Variants in PTPRD observed in about 807,000 individuals in gnomAD.
PTPRD encodes the protein protein tyrosine phosphatase receptor type D.
Under a neutral mutation model 214.5 loss-of-function variants are expected in PTPRD, and 34 were observed. The ratio of observed to expected loss-of-function variants is 0.16; its 90% CI spans 0.12 to 0.21. The LOEUF is 0.21. Ranked by LOEUF, PTPRD falls within the 10% of genes least tolerant of loss-of-function variation. The probability of loss-of-function intolerance (pLI) is 1.00; values close to 1 mark genes in which losing one functional copy is unlikely to be tolerated. For missense variants in PTPRD, 2,545 were observed against 2,398.7 expected (o/e 1.06, Z -1.27); for synonymous variants, 1,128 against 845.7 (o/e 1.33, Z -5.79).
At chr9:10,295,144 T>C (rs569057654) in intron 3 of PTPRD, among the ~76,000 whole-genome samples, 2 of 152,198 alleles carry the variant, frequency 1.3e-5, no homozygotes, top group East Asian at 1.9e-4. Context: ...TTAATGTCTA[T>C]TTTTGCTTTA....
intron 3 of PTPRD, among the ~76,000 whole-genome samples, chr9:10,219,448 C>T (rs575101469): frequency 3.3e-5 from 5 of 151,730 alleles, no homozygotes; most frequent in Non-Finnish European, 5.9e-5. Flanking sequence ...AAATCACTGG[C>T]ATTAATTGGG....
intron 10 of PTPRD, among the ~76,000 whole-genome samples, chr9:9,079,110 C>G (rs10120361): frequency 0.058 from 8,868 of 152,028 alleles, 546 homozygotes; most frequent in African/African-American, 0.16. Context: ...TTACTGTTAA[C>G]TATGGTCATC....
chr9:8,424,733 G>A (rs2094555141), intron 35 of PTPRD, among the ~76,000 whole-genome samples: 1 of 152,160 alleles, frequency 6.6e-6, no homozygotes, highest in South Asian at 2.1e-4. Context: ...AAGAATGAGT[G>A]AAGGGAGGAG....
intron 5 of PTPRD, among the ~76,000 whole-genome samples, chr9:9,793,188 C>A (rs2098979357): frequency 1.3e-5 from 2 of 152,130 alleles, no homozygotes; most frequent in South Asian, 2.1e-4. Flanking sequence ...CCTATATTCA[C>A]AAAAATTGCT....
At chr9:8,476,078 G>C (rs1374372209) in intron 30 of PTPRD, among the ~76,000 whole-genome samples, 6 of 152,154 alleles carry the variant, frequency 3.9e-5, no homozygotes. Flanking sequence ...CAGCTTGATA[G>C]GCTTTCAGTT....
At chr9:8,930,087 T>C (rs1462169406) in intron 11 of PTPRD, among the ~76,000 whole-genome samples, 1 of 151,706 alleles carries the variant, frequency 6.6e-6, no homozygotes, top group East Asian at 1.9e-4. Context: ...ATTAGGTATA[T>C]CTCCTAATGC....
intron 5 of PTPRD, among the ~76,000 whole-genome samples, chr9:9,809,261 G>T (rs939709525): frequency 1.4e-5 from 2 of 146,236 alleles, no homozygotes; most frequent in African/African-American, 5.0e-5. Context: ...TTAGCCACAA[G>T]AGATTTTTTT....
chr9:9,981,076 C>T (rs1052800998), intron 4 of PTPRD, among the ~76,000 whole-genome samples: 3 of 152,224 alleles, frequency 2.0e-5, no homozygotes, highest in Non-Finnish European at 4.4e-5. Flanking sequence ...TTGATGAATG[C>T]ACCTCCACAA....
intron 10 of PTPRD, among the ~76,000 whole-genome samples, chr9:9,177,264 G>A (rs560172670): frequency 6.6e-6 from 1 of 152,096 alleles, no homozygotes; most frequent in African/African-American, 2.4e-5. Context: ...AAAGAAAACA[G>A]CATGGGGGAA....
At chr9:9,492,369 T>C (rs2095953451) in intron 8 of PTPRD, among the ~76,000 whole-genome samples, 2 of 149,116 alleles carry the variant, frequency 1.3e-5, no homozygotes, top group South Asian at 4.3e-4. Context: ...AACTTTTCCC[T>C]AAAAATGAAG....
chr9:8,742,150 G>C (rs755506288), intron 11 of PTPRD, among the ~76,000 whole-genome samples: 2 of 152,088 alleles, frequency 1.3e-5, no homozygotes, highest in Non-Finnish European at 2.9e-5. Flanking sequence ...TGTCAGTCAA[G>C]CTTTAAAATT....
chr9:8,488,885 A>G (rs2097092185), intron 27 of PTPRD, among the ~76,000 whole-genome samples: 1 of 152,212 alleles, frequency 6.6e-6, no homozygotes, highest in East Asian at 1.9e-4. Flanking sequence ...GGGTGGAAAC[A>G]CAACTATTAA....
At chr9:10,024,696 C>G (rs10755998) in intron 4 of PTPRD, among the ~76,000 whole-genome samples, 1 of 149,998 alleles carries the variant, frequency 6.7e-6, no homozygotes, top group Admixed American at 6.7e-5. Context: ...TTGTTACATA[C>G]GTATACATGT....
intron 9 of PTPRD, among the ~76,000 whole-genome samples, chr9:9,234,346 G>A (rs746244444): frequency 6.6e-5 from 10 of 152,126 alleles, no homozygotes; most frequent in South Asian, 2.1e-4. Flanking sequence ...TAGAGTGGGC[G>A]GGCCCTGGGC....
intron 4 of PTPRD, among the ~76,000 whole-genome samples, chr9:9,971,086 T>A (rs1013192666): frequency 2.0e-5 from 3 of 152,192 alleles, no homozygotes; most frequent in African/African-American, 7.2e-5. Context: ...TGGTTCTATT[T>A]GTCACCCTGC....
chr9:8,639,303 C>G (rs2096522772), intron 12 of PTPRD, among the ~76,000 whole-genome samples: 2 of 152,090 alleles, frequency 1.3e-5, no homozygotes, highest in African/African-American at 4.8e-5. Flanking sequence ...TTGTCAGTAA[C>G]CAATGGAAAA....
chr9:10,071,491 T>G lies in PTPRD; in HGVS notation c.-544-37701A>C, dbSNP rs113596732. ...CTACACAAATATAGTCAACCCATCTTTGAAAAAAGAGTAAAGCCACTTCAG... is the reference window on the plus strand; with the variant it reads ...CTACACAAATATAGTCAACCCATCTGTGAAAAAAGAGTAAAGCCACTTCAG... On this transcript the variant is annotated intron_variant, in intron 3 of 45. Coordinates refer to ENST00000381196, the MANE Select transcript of PTPRD (RefSeq NM_002839.4). Among the ~76,000 whole-genome samples, 497 of 152,090 alleles carry G rather than the reference T, an allele frequency of 3.3e-3. 2 individuals carry two copies. The highest frequency in any genetic ancestry group is 0.012 in the African/African-American group (478 of 41,532).
intron 10 of PTPRD, among the ~76,000 whole-genome samples, chr9:9,122,026 A>G (rs1368238924): frequency 6.6e-6 from 1 of 152,120 alleles, no homozygotes; most frequent in African/African-American, 2.4e-5. Flanking sequence ...ACATGAGGGG[A>G]GACTCCCTCT....
At chr9:9,853,954 G>A (rs752136038) in intron 5 of PTPRD, among the ~76,000 whole-genome samples, 11 of 152,128 alleles carry the variant, frequency 7.2e-5, no homozygotes, top group Non-Finnish European at 1.2e-4. Context: ...TCAAATCAAG[G>A]TATTTAGCAG....
Sources: gnomAD v4.1 joint callset for allele counts (sites outside exome capture counted in the v4.1 genomes callset) on GRCh38, gnomAD v4.1.1 for gene constraint, MANE v1.5 for transcripts, NCBI Gene and HGNC (gene_info 2026-07-23, HGNC 2026-07-21) for gene names.